Variants in ZNF383 observed in about 807,000 individuals in gnomAD.
ZNF383 encodes the protein zinc finger protein 383.
In ZNF383, 32 loss-of-function variants were observed where a neutral mutation model predicts 44.2. That is an observed-to-expected ratio of 0.72 (90% confidence interval 0.55 to 0.97). The LOEUF (loss-of-function observed/expected upper bound fraction) is 0.97. Among genes scored for constraint, ZNF383 ranks in the 50% least tolerant of loss-of-function variants. The probability of loss-of-function intolerance (pLI) is 0.00; values close to 1 mark genes in which losing one functional copy is unlikely to be tolerated. For missense variants in ZNF383, 487 were observed against 562.5 expected (o/e 0.87, Z 1.36); for synonymous variants, 155 against 186.2 (o/e 0.83, Z 1.36).
chr19:37,243,253 G>A lies in ZNF383; in HGVS notation c.1017G>A (p.Glu339=). 2.5e-6 allele frequency: 4 copies of A among 1,613,542 alleles called. No homozygotes were observed. The highest frequency in any genetic ancestry group is 1.6e-4 in the Middle Eastern group (1 of 6,062). The change falls in exon 6 of 6, where the codon GAG becomes GAA. Residue 339 remains glutamate (E), a synonymous_variant. Transcript: ENST00000684119. ...TTCATACTGGTGAGAAACCCTATGA[G>A]TGCAAGGAATGTGGCAAAGCCTTTA... ...QRIHTGEKPY[E]CKECGKAFSS...
Position 37,226,274 on chromosome 19 carries a change from C to G in ZNF383, c.-46+1335C>G, listed in dbSNP as rs558589757. Among the ~76,000 whole-genome samples, 14 of 152,184 alleles carry G rather than the reference C, an allele frequency of 9.2e-5. No individual in the cohort carries two copies. The South Asian group carries it at 2.1e-3, about 23-fold the overall frequency. On this transcript the variant is annotated intron_variant, in intron 2 of 5. Transcript: ENST00000684119. ...AGATTTCCCATACACGTCTTTCCCC[C>G]ACACGTATGGTCTCCCCCATCATCA... is the stretch of plus-strand genomic sequence containing the variant.
At chr19:37,242,295 A>G (rs2145544068) in intron 5 of ZNF383, among the ~76,000 whole-genome samples, 174 bp from the exon 6 acceptor site, 1 of 151,914 alleles carries the variant, frequency 6.6e-6, no homozygotes, top group East Asian at 1.9e-4. Flanking sequence ...GCATTATCTT[A>G]CTAATTTCTT....
At position 37,246,525 on chromosome 19, in the gene ZNF383, C is replaced by T. The variant is rs1343684074; in HGVS notation, c.*2861C>T. On this transcript the variant is annotated 3_prime_UTR_variant, in exon 6 of 6. Coordinates refer to ENST00000684119, the MANE Select transcript of ZNF383 (RefSeq NM_001387601.1). Reference sequence around the variant, plus strand: ...GTGGCTCACACCTGTAATCCTAGCACTTTGGGAGGCCAAGGTGGGTGGATC... The same window carrying T: ...GTGGCTCACACCTGTAATCCTAGCATTTTGGGAGGCCAAGGTGGGTGGATC... The T allele has an allele frequency of 2.0e-5, 3 of 152,172 alleles. No homozygotes were observed. Among genetic ancestry groups the T allele is most frequent in the African/African-American group, 7.2e-5 (3 of 41,430 alleles). 9.4% of individuals were successfully genotyped at this position (152,172 alleles called of 1,614,324 possible).
In ZNF383 at chr19:37,242,814, T is replaced by C. The variant is rs750119730; in HGVS notation, c.578T>C (p.Ile193Thr). Reference sequence around the variant, plus strand: ...TTTATTCAACATCAGAGAATTCATATTGGTGAAAAATCTTATGAATGTAAA... The same window carrying C: ...TTTATTCAACATCAGAGAATTCATACTGGTGAAAAATCTTATGAATGTAAA... ...SQFIQHQRIH[I>T]GEKSYECKEC... is the part of the protein sequence containing the mutation. Residue 193 changes from isoleucine (I) to threonine (T), a missense_variant, in exon 6 of 6, where the codon ATT (isoleucine) becomes ACT (threonine). Coordinates refer to ENST00000684119, the MANE Select transcript of ZNF383 (RefSeq NM_001387601.1). The C allele has an allele frequency of 2.5e-6, 4 of 1,614,016 alleles. No individual in the cohort carries two copies. Among genetic ancestry groups the C allele is most frequent in the Non-Finnish European group, 3.4e-6 (4 of 1,179,982 alleles).
intron 3 of ZNF383, among the ~76,000 whole-genome samples, chr19:37,232,693 G>A (rs976139852): frequency 6.6e-6 from 1 of 152,106 alleles, no homozygotes; most frequent in Admixed American, 6.6e-5. Context: ...CTCATCAATT[G>A]TTTGGTTACC....
In ZNF383 at chr19:37,242,783, T is replaced by G; in HGVS notation, c.547T>G (p.Ser183Ala). ...KKCGKAFSQN[S>A]QFIQHQRIHI... ...ATGTGGAAAGGCCTTTAGTCAGAACTCACAATTTATTCAACATCAGAGAAT... is the reference window on the plus strand; with the variant it reads ...ATGTGGAAAGGCCTTTAGTCAGAACGCACAATTTATTCAACATCAGAGAAT... The change falls in exon 6 of 6, where the codon TCA (serine) becomes GCA (alanine). Residue 183 changes from serine (S) to alanine (A), a missense_variant. By Grantham distance (99) the Ser-to-Ala change is moderately conservative. Coordinates refer to ENST00000684119, the MANE Select transcript of ZNF383 (RefSeq NM_001387601.1). 3 of 1,614,126 alleles carry G rather than the reference T, an allele frequency of 1.9e-6. No homozygotes were observed. The highest frequency in any genetic ancestry group is 2.5e-6 in the Non-Finnish European group (3 of 1,179,990).
intron 2 of ZNF383, among the ~76,000 whole-genome samples, chr19:37,226,934 A>T (rs763453439): frequency 5.4e-5 from 8 of 148,996 alleles, no homozygotes; most frequent in Non-Finnish European, 1.2e-4. Context: ...TCAGCCTCCC[A>T]AGTAGCTGCG....
At chr19:37,218,975 G>A (rs1408983059) in intron 1 of ZNF383, among the ~76,000 whole-genome samples, 1 of 152,118 alleles carries the variant, frequency 6.6e-6, no homozygotes, top group African/African-American at 2.4e-5. Context: ...ATGGTGCTAT[G>A]TTTGAGGGGT....
chr19:37,223,038 T>G (rs550012066), intron 1 of ZNF383, among the ~76,000 whole-genome samples: 1 of 152,368 alleles, frequency 6.6e-6, no homozygotes, highest in South Asian at 2.1e-4. Flanking sequence ...TCTGAATTTA[T>G]ATGCCTTCAT....
chr19:37,220,667 A>T (rs1486384393), intron 1 of ZNF383, among the ~76,000 whole-genome samples: 1 of 152,080 alleles, frequency 6.6e-6, no homozygotes, highest in Non-Finnish European at 1.5e-5. Context: ...CCTCAGCATA[A>T]CAAAAACTTG....
chr19:37,230,029 C>G (rs1179205031), intron 2 of ZNF383, among the ~76,000 whole-genome samples: 5 of 151,688 alleles, frequency 3.3e-5, no homozygotes, highest in Non-Finnish European at 7.4e-5. Flanking sequence ...GTTTGGGGAC[C>G]TGAGGGCTGC....
At chr19:37,237,033 T>C (rs527509683) in intron 5 of ZNF383, among the ~76,000 whole-genome samples, 1 of 151,754 alleles carries the variant, frequency 6.6e-6, no homozygotes, top group South Asian at 2.1e-4. Context: ...CAAGTACTGG[T>C]CTTCATTATA....
intron 1 of ZNF383, among the ~76,000 whole-genome samples, chr19:37,218,814 G>A (rs1453597802): frequency 6.6e-6 from 1 of 152,112 alleles, no homozygotes; most frequent in Non-Finnish European, 1.5e-5. Context: ...TCGTGCCGGG[G>A]TGATATGTGT....
chr19:37,219,888 C>T (rs1377782209), intron 1 of ZNF383: 2 of 152,158 alleles, frequency 1.3e-5, no homozygotes, highest in East Asian at 3.8e-4. Context: ...TCCCAGTAGT[C>T]TGTTACTTCT....
rs553273216 is a variant in ZNF383 at position 37,228,861 on chromosome 19, T to TA, written c.-45-1539dup. Among the ~76,000 whole-genome samples the TA allele has an allele frequency of 4.9e-4, 74 of 151,802 alleles. No homozygotes were observed. In the Middle Eastern group the frequency reaches 0.01, roughly 21 times the overall value. Reference sequence around the variant, plus strand: ...ATAATCCTTCTCTAATTATTGTATGTAAAAAAAAATTATTTTATTCGCCCA... The same window carrying TA: ...ATAATCCTTCTCTAATTATTGTATGTAAAAAAAAAATTATTTTATTCGCCCA... On this transcript the variant is annotated intron_variant, in intron 2 of 5. Transcript: ENST00000684119.
chr19:37,234,075 G>C (rs1973646909), intron 3 of ZNF383, among the ~76,000 whole-genome samples: 1 of 151,576 alleles, frequency 6.6e-6, no homozygotes, highest in Non-Finnish European at 1.5e-5. Flanking sequence ...TGTTGGTCAG[G>C]CTGGTCTTGA....
At chr19:37,238,293 A>G (rs998123079) in intron 5 of ZNF383, among the ~76,000 whole-genome samples, 17 of 150,684 alleles carry the variant, frequency 1.1e-4, no homozygotes, top group African/African-American at 4.1e-4. Flanking sequence ...TTAATATTAT[A>G]TGATATATAA....
chr19:37,230,341 C>G lies in ZNF383; in HGVS notation c.-45-68C>G, dbSNP rs73627740. On this transcript the variant is annotated intron_variant, in intron 2 of 5. Coordinates refer to ENST00000684119, the MANE Select transcript of ZNF383 (RefSeq NM_001387601.1). The stretch of plus-strand genomic sequence containing the variant: ...AAATATGGAGGTGGTTTTATCTGAC[C>G]TCTAGTGTGATTTCTAGAGGGTTTT... 2,320 of 1,116,522 alleles carry G rather than the reference C, an allele frequency of 2.1e-3. 33 individuals carry two copies. The African/African-American group carries it at 0.032, about 15-fold the overall frequency. 69.2% of individuals were successfully genotyped at this position (1,116,522 alleles called of 1,614,324 possible). A position where few individuals can be genotyped will look rare whatever the true frequency, so the allele number is the denominator to read the frequency against.
chr19:37,222,304 G>T (rs1013862041), intron 1 of ZNF383, among the ~76,000 whole-genome samples: 1 of 152,090 alleles, frequency 6.6e-6, no homozygotes, highest in Non-Finnish European at 1.5e-5. Flanking sequence ...GTTGCTGCAC[G>T]TTAGTTATAG....
Sources: allele counts gnomAD v4.1 joint callset (sites outside exome capture counted in the v4.1 genomes callset), GRCh38; gene constraint gnomAD v4.1.1; transcripts MANE v1.5; gene names NCBI Gene and HGNC (gene_info 2026-07-23, HGNC 2026-07-21).